SETX: variants seen among roughly 807,000 people sequenced by gnomAD.
SETX encodes helicase senataxin.
Under a neutral mutation model 227.2 loss-of-function variants are expected in SETX, and 90 were observed. That is an observed-to-expected ratio of 0.40 (90% CI 0.33 to 0.47). The LOEUF is 0.47. Among genes scored for constraint, SETX ranks in the 20% least tolerant of loss-of-function variants. SETX has a pLI of 0.91. For missense variants in SETX, 3,052 were observed against 3,181.5 expected (o/e 0.96, Z 0.98); for synonymous variants, 1,210 against 1,113.2 (o/e 1.09, Z -1.73).
rs762900574 is a variant in SETX at position 132,336,282 on chromosome 9, G to A, written c.718+14C>T. 1.3e-6 allele frequency: 2 copies of A among 1,586,774 alleles called. No homozygotes were observed. Among genetic ancestry groups the A allele is most frequent in the African/African-American group, 1.3e-5 (1 of 74,406 alleles). ...CGAAAATACCAATTATATTAGTGTAGGAATAATACTCACCTAACCAATAGC... is the reference window on the plus strand; with the variant it reads ...CGAAAATACCAATTATATTAGTGTAAGAATAATACTCACCTAACCAATAGC... On this transcript the variant is annotated intron_variant, in intron 6 of 25. Coordinates refer to ENST00000224140, the MANE Select transcript of SETX (RefSeq NM_015046.7).
Position 132,348,367 on chromosome 9 carries a change from A to C in SETX, c.177+885T>G, listed in dbSNP as rs1373086508. Among the ~76,000 whole-genome samples, 11 of 45,524 alleles carry C rather than the reference A, an allele frequency of 2.4e-4. 1 individual carries two copies. The highest frequency in any genetic ancestry group is 3.6e-4 in the African/African-American group (4 of 11,076). 29.9% of individuals were successfully genotyped at this position (45,524 alleles called of 152,430 possible). A position where few individuals can be genotyped will look rare whatever the true frequency, so the allele number is the denominator to read the frequency against. Reference sequence around the variant, plus strand: ...AAGAGAGTGAGACTCTGTCTCAAAAAAAAAACAAAACAAAAAAAAAACAAC... The same window carrying C: ...AAGAGAGTGAGACTCTGTCTCAAAACAAAAACAAAACAAAAAAAAAACAAC... On this transcript the variant is annotated intron_variant, in intron 3 of 25. Coordinates refer to ENST00000224140, the MANE Select transcript of SETX (RefSeq NM_015046.7).
chr9:132,293,768 A>AC (rs1844488279), intron 15 of SETX, among the ~76,000 whole-genome samples: 1 of 151,542 alleles, frequency 6.6e-6, no homozygotes, highest in Admixed American at 6.6e-5. Context: ...CATGCCTGTA[A>AC]CCCCAGCACT....
At position 132,289,033 on chromosome 9, in the gene SETX, G is replaced by A. The variant is rs185104350; in HGVS notation, c.6107-382C>T. On this transcript the variant is annotated intron_variant, in intron 15 of 25. Coordinates refer to ENST00000224140, the MANE Select transcript of SETX (RefSeq NM_015046.7). ...AAACGAAGCAGTTCTCTCATGTTGG[G>A]GAAAGGGCTTGTGGGGTGCCTGCAT... Among the ~76,000 whole-genome samples, 678 of 152,286 alleles carry A rather than the reference G, an allele frequency of 4.5e-3. 11 individuals carry two copies. The highest frequency in any genetic ancestry group is 0.016 in the African/African-American group (652 of 41,564).
chr9:132,340,690 A>T (rs1847905497), intron 5 of SETX, among the ~76,000 whole-genome samples: 1 of 152,248 alleles, frequency 6.6e-6, no homozygotes, highest in African/African-American at 2.4e-5. Context: ...AGCAATTATC[A>T]GTGGTTAATT....
At chr9:132,347,516 T>C (rs1339074499) in intron 3 of SETX, among the ~76,000 whole-genome samples, 1 of 151,942 alleles carries the variant, frequency 6.6e-6, no homozygotes, top group Non-Finnish European at 1.5e-5. Context: ...TTCACCATGA[T>C]GGCCAGGCTG....
At position 132,263,794 on chromosome 9, in the gene SETX, C is replaced by A; in HGVS notation, c.*445G>T. ...TGCTCTAACAATGGTTGAAAGGACC[C>A]GCCCTCCTCCCATCTTTTTTTTTTT... On this transcript the variant is annotated 3_prime_UTR_variant, in exon 26 of 26. Coordinates refer to ENST00000224140, the MANE Select transcript of SETX (RefSeq NM_015046.7). 5.4e-6 allele frequency: 1 copy of A among 185,320 alleles called. No homozygotes were observed. Among genetic ancestry groups the A allele is most frequent in the South Asian group, 9.6e-5 (1 of 10,394 alleles). 11.5% of individuals were successfully genotyped at this position (185,320 alleles called of 1,614,324 possible). A position where few individuals can be genotyped will look rare whatever the true frequency, so the allele number is the denominator to read the frequency against.
At chr9:132,312,482 T>C (rs866637669) in intron 10 of SETX, among the ~76,000 whole-genome samples, 15 of 152,322 alleles carry the variant, frequency 9.8e-5, no homozygotes, top group Middle Eastern at 6.8e-3. Context: ...TATATTACCT[T>C]TTGGGCCCTA....
At chr9:132,283,977 C>A (rs946942091) in intron 18 of SETX, among the ~76,000 whole-genome samples, 11 of 152,208 alleles carry the variant, frequency 7.2e-5, no homozygotes, top group African/African-American at 2.4e-4. Context: ...GTGAGTGACG[C>A]CTCACAGTCA....
chr9:132,274,442 T>C (rs1321369646), intron 23 of SETX, among the ~76,000 whole-genome samples: 1 of 146,094 alleles, frequency 6.8e-6, no homozygotes, highest in Non-Finnish European at 1.5e-5. Flanking sequence ...GATTTTTTCT[T>C]TTTTTTTTTT....
chr9:132,349,481 C>T (rs1376732111), intron 2 of SETX, 46 bp from the exon 3 acceptor site: 1 of 1,585,924 alleles, frequency 6.3e-7, no homozygotes, highest in Non-Finnish European at 8.7e-7. Context: ...AACTTCAGAC[C>T]TACTGTGTGT....
At chr9:132,287,586 T>C (rs1306584303) in intron 17 of SETX, among the ~76,000 whole-genome samples, 1 of 152,238 alleles carries the variant, frequency 6.6e-6, no homozygotes, top group African/African-American at 2.4e-5. Flanking sequence ...TATCTATGGC[T>C]GCCTTTGTGC....
At position 132,292,034 on chromosome 9, in the gene SETX, ATAAAATAATTT is replaced by A. The variant is rs1306689034; in HGVS notation, c.6107-3394_6107-3384del. On this transcript the variant is annotated intron_variant, in intron 15 of 25. Transcript: ENST00000224140. Reference sequence around the variant, plus strand: ...TTCCATCTATTAATTACTGATTTAGATAAAATAATTTTAAAATAATTTATTTTTTCTGGCTT... The same window carrying A: ...TTCCATCTATTAATTACTGATTTAGATAAAATAATTTATTTTTTCTGGCTT... 3.9e-5 allele frequency among the ~76,000 whole-genome samples: 6 copies of A among 152,324 alleles called. No homozygotes were observed. In the South Asian group the frequency reaches 1.0e-3, roughly 26 times the overall value.
chr9:132,343,749 AT>A (rs1848128627), intron 4 of SETX, among the ~76,000 whole-genome samples: 1 of 152,150 alleles, frequency 6.6e-6, no homozygotes, highest in Non-Finnish European at 1.5e-5. Flanking sequence ...GGCTACACAA[AT>A]CTGTTTGACT....
intron 1 of SETX, among the ~76,000 whole-genome samples, chr9:132,354,136 G>A (rs927451525): frequency 6.6e-6 from 1 of 152,124 alleles, no homozygotes; most frequent in Non-Finnish European, 1.5e-5. Flanking sequence ...GCAAATTGCT[G>A]GGCACATCCT....
chr9:132,270,120 G>T (rs376458136), intron 24 of SETX, among the ~76,000 whole-genome samples: 1 of 72,558 alleles, frequency 1.4e-5, no homozygotes, highest in African/African-American at 6.4e-5. Context: ...CAGCGTGCCC[G>T]TGTGAGACAC....
chr9:132,265,083 T>C (rs1842573226), intron 25 of SETX, 98 bp from the exon 26 acceptor site: 1 of 1,360,650 alleles, frequency 7.3e-7, no homozygotes. Flanking sequence ...ATAATACATA[T>C]TATTGTATGA....
At chr9:132,333,914 AATTT>A (rs1399903403) in intron 7 of SETX, among the ~76,000 whole-genome samples, 1 of 152,076 alleles carries the variant, frequency 6.6e-6, no homozygotes, top group Non-Finnish European at 1.5e-5. Context: ...AATTGACTTA[AATTT>A]ATTTTAATAA....
chr9:132,273,871 G>A (rs118104873), intron 23 of SETX, among the ~76,000 whole-genome samples: 1 of 151,900 alleles, frequency 6.6e-6, no homozygotes, highest in Non-Finnish European at 1.5e-5. Flanking sequence ...CATCTCTCCT[G>A]ATCTTAGAGG....
At position 132,328,388 on chromosome 9, in the gene SETX, A is replaced by G. The variant is rs145014082; in HGVS notation, c.3210T>C (p.Leu1070=). ...GAGAATCAGATTCCTCAAACTGAAA[A>G]AGAGTCTCTGTCTTTTCTTCCTTTA... is the stretch of plus-strand genomic sequence containing the variant. ...NPVKEEKTET[L]FQFEESDSQC... is the part of the protein sequence containing the mutation. The change falls in exon 10 of 26, where the codon CTT becomes CTC. Residue 1070 remains leucine, a synonymous_variant. Coordinates refer to ENST00000224140, the MANE Select transcript of SETX (RefSeq NM_015046.7). 5.2e-5 allele frequency: 84 copies of G among 1,613,924 alleles called. No individual in the cohort carries two copies. Among genetic ancestry groups the G allele is most frequent in the Non-Finnish European group, 6.7e-5 (79 of 1,180,006 alleles).
Sources: allele counts gnomAD v4.1 joint callset (sites outside exome capture counted in the v4.1 genomes callset), GRCh38; gene constraint gnomAD v4.1.1; transcripts MANE v1.5; gene names NCBI Gene and HGNC (gene_info 2026-07-23, HGNC 2026-07-21).